SRSF5: variants seen among roughly 807,000 people sequenced by gnomAD.
The protein encoded by SRSF5 is serine and arginine rich splicing factor 5.
In SRSF5, 5 loss-of-function variants were observed where a neutral mutation model predicts 34.0. The ratio of observed to expected loss-of-function variants is 0.15; its 90% CI spans 0.08 to 0.31. SRSF5 has a LOEUF of 0.31. Among genes scored for constraint, SRSF5 ranks in the 10% least tolerant of loss-of-function variants. The pLI is 1.00. For synonymous variants in SRSF5, 164 were observed against 117.7 expected, an observed-to-expected ratio of 1.39 and a Z score of -2.55; for missense variants, 223 against 351.4, an observed-to-expected ratio of 0.63 and a Z score of 2.92.
intron 5 of SRSF5, 44 bp downstream of exon 5, chr14:69,769,295 A>G: frequency 6.2e-7 from 1 of 1,609,208 alleles, no homozygotes; most frequent in South Asian, 1.1e-5. Context: ...GTGGCTTTTT[A>G]AAAAAGTTAA....
At position 69,770,121 on chromosome 14, in the gene SRSF5, C is replaced by T. The variant is rs573988365; in HGVS notation, c.367-346C>T. On this transcript the variant is annotated intron_variant, in intron 5 of 7. Coordinates refer to ENST00000557154, the MANE Select transcript of SRSF5 (RefSeq NM_001320214.2). ...AAATGTTCTGTTTTTTTAAATAAAACTTCTCTACTTTAGTCTTTACTTTAA... is the reference window on the plus strand; with the variant it reads ...AAATGTTCTGTTTTTTTAAATAAAATTTCTCTACTTTAGTCTTTACTTTAA... 44 of 1,034,142 alleles carry T rather than the reference C, an allele frequency of 4.3e-5. 1 individual carries two copies. The South Asian group carries it at 1.6e-3, about 38-fold the overall frequency. 64.1% of individuals were successfully genotyped at this position (1,034,142 alleles called of 1,614,324 possible). A position where few individuals can be genotyped will look rare whatever the true frequency, so the allele number is the denominator to read the frequency against.
chr14:69,770,300 C>T, intron 5 of SRSF5, 167 bp from the exon 6 acceptor site: 1 of 1,411,978 alleles, frequency 7.1e-7, no homozygotes, highest in Non-Finnish European at 9.2e-7. Context: ...ATTCCGTGCC[C>T]TGACATAGAT....
At chr14:69,767,553 G>A (rs1207865173) in intron 1 of SRSF5, 1 of 455,862 alleles carries the variant, frequency 2.2e-6, no homozygotes, top group Non-Finnish European at 4.4e-6. Flanking sequence ...CCCTGACTTT[G>A]CTGGCGATGC....
At chr14:69,769,421 T>TATTAGTG in intron 5 of SRSF5, 170 bp downstream of exon 5, 1 of 1,522,126 alleles carries the variant, frequency 6.6e-7, no homozygotes, top group Non-Finnish European at 8.8e-7. Flanking sequence ...TGAACTTTAA[T>TATTAGTG]ATTAGTGATC....
At position 69,771,479 on chromosome 14, in the gene SRSF5, C is replaced by T. The variant is rs755711256; in HGVS notation, c.*18C>T. 7.6e-6 allele frequency: 12 copies of T among 1,583,754 alleles called. No individual in the cohort carries two copies. The highest frequency in any genetic ancestry group is 3.8e-5 in the Admixed American group (2 of 53,050). Reference sequence around the variant, plus strand: ...GCAATTAAACTGTAAATAACTTGCCCTGGGGGCCTTTTTTTAAAAAACAAA... The same window carrying T: ...GCAATTAAACTGTAAATAACTTGCCTTGGGGGCCTTTTTTTAAAAAACAAA... On this transcript the variant is annotated 3_prime_UTR_variant, in exon 8 of 8. Transcript: ENST00000557154.
rs1883235662 is a variant in SRSF5, at chr14:69,771,757, T to C, written c.*296T>C. 1 of 272,824 alleles carries C rather than the reference T, an allele frequency of 3.7e-6. No individual in the cohort carries two copies. Among genetic ancestry groups the C allele is most frequent in the African/African-American group, 2.2e-5 (1 of 45,062 alleles). 16.9% of individuals were successfully genotyped at this position (272,824 alleles called of 1,614,324 possible). A position where few individuals can be genotyped will look rare whatever the true frequency, so the allele number is the denominator to read the frequency against. On this transcript the variant is annotated 3_prime_UTR_variant, in exon 8 of 8. Transcript: ENST00000557154. ...TTTATAACTAAAGCAAATTTAATTT[T>C]TTTGTACTAGAAAAAAATTTGAACA...
At chr14:69,768,742 T>G in intron 3 of SRSF5, 56 bp from the exon 4 acceptor site, 1 of 1,611,694 alleles carries the variant, frequency 6.2e-7, no homozygotes, top group Non-Finnish European at 8.5e-7. Context: ...CATATTTTTC[T>G]AAGTAGATTT....
At chr14:69,769,425 A>T in intron 5 of SRSF5, 174 bp downstream of exon 5, 1 of 1,522,450 alleles carries the variant, frequency 6.6e-7, no homozygotes, top group Non-Finnish European at 8.8e-7. Context: ...CTTTAATATT[A>T]GTGATCAAAT....
At chr14:69,770,574 T>C (rs779989642) in intron 6 of SRSF5, 34 bp downstream of exon 6, 2 of 1,580,804 alleles carry the variant, frequency 1.3e-6, no homozygotes, top group Non-Finnish European at 1.7e-6. Context: ...TCTTTAAAAA[T>C]ATCCGGAAAA....
At chr14:69,767,745 C>G (rs1882686281) in intron 1 of SRSF5, 1 of 356,934 alleles carries the variant, frequency 2.8e-6, no homozygotes, top group South Asian at 2.1e-5. Context: ...TCGCGAGATT[C>G]TGGCTTCCAC....
At chr14:69,769,154 C>T in intron 4 of SRSF5, 28 bp from the exon 5 acceptor site, 1 of 1,612,580 alleles carries the variant, frequency 6.2e-7, no homozygotes, top group Non-Finnish European at 8.5e-7. Context: ...GCATTTCTTC[C>T]ATTGTGAATA....
chr14:69,768,477 T>C, intron 2 of SRSF5, 127 bp from the exon 3 acceptor site: 1 of 1,205,662 alleles, frequency 8.3e-7, no homozygotes, highest in Non-Finnish European at 1.2e-6. Flanking sequence ...GCTCCTTGAT[T>C]AGGTTTGACT....
chr14:69,768,000 C>T lies in SRSF5; in HGVS notation c.-19-138C>T, dbSNP rs72725731. On this transcript the variant is annotated intron_variant, in intron 1 of 7. Coordinates refer to ENST00000557154, the MANE Select transcript of SRSF5 (RefSeq NM_001320214.2). The stretch of plus-strand genomic sequence containing the variant: ...ATTTTGTCTGCAGGTAACCTGGCCT[C>T]ATTAGAGGCTCTGTTGGCAATCTCG... 6.4e-3 allele frequency: 6,138 copies of T among 954,410 alleles called. 34 individuals are homozygous for T. Among genetic ancestry groups the T allele is most frequent in the Non-Finnish European group, 7.9e-3 (5,113 of 645,198 alleles). The allele number at this position is 954,410 out of a possible 1,614,324, so 59.1% of individuals were successfully genotyped here.
At chr14:69,770,432 C>T in intron 5 of SRSF5, 35 bp from the exon 6 acceptor site, 2 of 1,603,216 alleles carry the variant, frequency 1.2e-6, no homozygotes, top group Non-Finnish European at 1.7e-6. Flanking sequence ...GTCCCCTTTC[C>T]TCTTCTTTGC....
chr14:69,768,067 T>A, intron 1 of SRSF5, 71 bp from the exon 2 acceptor site: 1 of 1,547,854 alleles, frequency 6.5e-7, no homozygotes, highest in East Asian at 2.3e-5. Context: ...CGTTGATGTT[T>A]TTGATTGTTT....
chr14:69,770,196 T>G lies in SRSF5; in HGVS notation c.367-271T>G, dbSNP rs575113884. The G allele has an allele frequency of 1.0e-4, 118 of 1,134,318 alleles. No homozygotes were observed. The Middle Eastern group carries it at 1.1e-3, about 11-fold the overall frequency. 70.3% of individuals were successfully genotyped at this position (1,134,318 alleles called of 1,614,324 possible). On this transcript the variant is annotated intron_variant, in intron 5 of 7. Transcript: ENST00000557154. ...TTGTTTTTTTGTTTGTTTTTTTTTC[T>G]TTTGTACTGAGCTCAGCATAGACTA...
chr14:69,770,405 C>T, intron 5 of SRSF5, 62 bp from the exon 6 acceptor site: 1 of 1,580,108 alleles, frequency 6.3e-7, no homozygotes, highest in Non-Finnish European at 8.6e-7. Flanking sequence ...TTTTTTATAT[C>T]ATGTGATTGT....
At position 69,770,449 on chromosome 14, in the gene SRSF5, C is replaced by CAATT. The variant is rs1883068666; in HGVS notation, c.367-16_367-13dup. On this transcript the variant is annotated splice_polypyrimidine_tract_variant and intron_variant, in intron 5 of 7. Coordinates refer to ENST00000557154, the MANE Select transcript of SRSF5 (RefSeq NM_001320214.2). ...CCCCTTTCCTCTTCTTTGCTTAACA[C>CAATT]AATTATCTTGTGTTAAGGATCTCAA... 1 of 1,611,920 alleles carries CAATT rather than the reference C, an allele frequency of 6.2e-7. No individual in the cohort carries two copies.
In SRSF5 at chr14:69,767,619, G is replaced by A. The variant is rs78313839; in HGVS notation, c.-20+364G>A. On this transcript the variant is annotated intron_variant, in intron 1 of 7. Transcript: ENST00000557154. Reference sequence around the variant, plus strand: ...ACCCCCGAGAAGGGGGTTGCTGGGAGGAGAAGGGAAGAGGGAATTTGGCAC... The same window carrying A: ...ACCCCCGAGAAGGGGGTTGCTGGGAAGAGAAGGGAAGAGGGAATTTGGCAC... 2,136 of 444,496 alleles carry A rather than the reference G, an allele frequency of 4.8e-3. 16 individuals carry two copies. Among genetic ancestry groups the A allele is most frequent in the South Asian group, 9.5e-3 (608 of 64,096 alleles). 27.5% of individuals were successfully genotyped at this position (444,496 alleles called of 1,614,324 possible).
Sources: gnomAD v4.1 joint callset for allele counts on GRCh38, gnomAD v4.1.1 for gene constraint, MANE v1.5 for transcripts, NCBI Gene and HGNC (gene_info 2026-07-23, HGNC 2026-07-21) for gene names.